The following PDCD10 variants were observed in gnomAD, a reference collection of about 807,000 sequenced individuals.
PDCD10 encodes the protein programmed cell death 10.
PDCD10 carries 4 observed loss-of-function variants against 29.2 expected under a neutral mutation model. The ratio of observed to expected loss-of-function variants is 0.14; its 90% CI spans 0.07 to 0.31. The LOEUF is 0.31. Ranked by LOEUF, PDCD10 falls within the 10% of genes least tolerant of loss-of-function variation. The pLI is 1.00. For synonymous variants in PDCD10, 70 were observed against 82.2 expected (o/e 0.85, Z 0.80); for missense variants, 183 against 257.9 (o/e 0.71, Z 1.99).
At chr3:167,710,924 G>A (rs929278200) in intron 3 of PDCD10, among the ~76,000 whole-genome samples, 2 of 152,234 alleles carry the variant, frequency 1.3e-5, no homozygotes, top group Non-Finnish European at 2.9e-5. Flanking sequence ...GGAATCCAGA[G>A]AATTCTTCCA....
At chr3:167,713,298 A>G (rs1722704549) in intron 3 of PDCD10, among the ~76,000 whole-genome samples, 1 of 152,122 alleles carries the variant, frequency 6.6e-6, no homozygotes, top group South Asian at 2.1e-4. Flanking sequence ...GAAACTATAC[A>G]AACACAAGGA....
At chr3:167,698,534 T>A (rs896569333) in intron 4 of PDCD10, among the ~76,000 whole-genome samples, 2 of 144,236 alleles carry the variant, frequency 1.4e-5, no homozygotes, top group Admixed American at 1.3e-4. Context: ...AGACCTCGTA[T>A]TAAAAACAAA....
At position 167,717,441 on chromosome 3, in the gene PDCD10, C is replaced by T. The variant is rs947045695; in HGVS notation, c.96+2621G>A. ...TCATCCTTACTATGGTACAATTTTG[C>T]AGATTAATTTGACAACCACTTTCAC... On this transcript the variant is annotated intron_variant, in intron 3 of 8. Transcript: ENST00000392750. Among the ~76,000 whole-genome samples the T allele has an allele frequency of 1.7e-4, 26 of 152,022 alleles. 1 individual carries two copies. The highest frequency in any genetic ancestry group is 1.6e-3 in the Admixed American group (25 of 15,234).
intron 4 of PDCD10, among the ~76,000 whole-genome samples, chr3:167,704,196 C>T (rs1021423293): frequency 3.3e-5 from 5 of 152,108 alleles, no homozygotes; most frequent in African/African-American, 7.2e-5. Flanking sequence ...AGAAAGAATA[C>T]CTTTTCAAGT....
chr3:167,694,464 CCTA>C (rs1456192157), intron 6 of PDCD10: 1 of 155,296 alleles, frequency 6.4e-6, no homozygotes, highest in Non-Finnish European at 1.4e-5. Flanking sequence ...TTTTCACTTT[CCTA>C]CTCTTTTCTC....
chr3:167,708,160 C>T (rs1358219611), intron 3 of PDCD10, among the ~76,000 whole-genome samples: 2 of 151,972 alleles, frequency 1.3e-5, no homozygotes, highest in African/African-American at 2.4e-5. Flanking sequence ...ATTTTAAAAG[C>T]TTCCATATAA....
chr3:167,723,573 T>A (rs769521850), intron 2 of PDCD10, among the ~76,000 whole-genome samples: 1 of 152,220 alleles, frequency 6.6e-6, no homozygotes, highest in Non-Finnish European at 1.5e-5. Flanking sequence ...TGTAGTGACT[T>A]GCTCCTGGTC....
At chr3:167,689,574 T>C (rs1033993259) in intron 6 of PDCD10, among the ~76,000 whole-genome samples, 1 of 127,662 alleles carries the variant, frequency 7.8e-6, no homozygotes, top group Non-Finnish European at 1.7e-5. Flanking sequence ...CTCATGCACC[T>C]AGGGAGACAA....
chr3:167,705,005 A>T, intron 3 of PDCD10, 110 bp from the exon 4 acceptor site: 1 of 665,166 alleles, frequency 1.5e-6, no homozygotes, highest in Non-Finnish European at 2.7e-6. Flanking sequence ...TTTAATCAAC[A>T]TTCTTGTTAA....
chr3:167,706,343 T>C (rs1721961764), intron 3 of PDCD10, among the ~76,000 whole-genome samples: 1 of 152,190 alleles, frequency 6.6e-6, no homozygotes, highest in African/African-American at 2.4e-5. Flanking sequence ...CGCTTAATGA[T>C]GGGGATGGAT....
rs1008542522 is a variant in PDCD10 at position 167,722,775 on chromosome 3, T to C, written c.-116-2502A>G. On this transcript the variant is annotated intron_variant, in intron 2 of 8. Transcript: ENST00000392750. ...GCCAGAGGTAAAGGGATAAGGTAAGTGGCCAGAGTCACTTTCAGAATTACT... is the reference window on the plus strand; with the variant it reads ...GCCAGAGGTAAAGGGATAAGGTAAGCGGCCAGAGTCACTTTCAGAATTACT... Among the ~76,000 whole-genome samples, 5 of 152,328 alleles carry C rather than the reference T, an allele frequency of 3.3e-5. No homozygotes were observed. In the East Asian group the frequency reaches 7.7e-4, roughly 23 times the overall value.
intron 3 of PDCD10, among the ~76,000 whole-genome samples, chr3:167,710,419 T>C (rs967062741): frequency 6.6e-6 from 1 of 152,054 alleles, no homozygotes; most frequent in Non-Finnish European, 1.5e-5. Flanking sequence ...AACCATGGCC[T>C]AGCAGAACTC....
At chr3:167,708,208 T>G (rs1722180200) in intron 3 of PDCD10, among the ~76,000 whole-genome samples, 1 of 151,782 alleles carries the variant, frequency 6.6e-6, no homozygotes, top group South Asian at 2.1e-4. Flanking sequence ...TGTTTTGCTC[T>G]CTCCAAAAGT....
At position 167,720,239 on chromosome 3, in the gene PDCD10, G is replaced by T; in HGVS notation, c.-82C>A. The T allele has an allele frequency of 1.1e-6, 1 of 931,668 alleles. No individual in the cohort carries two copies. The highest frequency in any genetic ancestry group is 1.8e-5 in the Admixed American group (1 of 56,100). 57.7% of individuals were successfully genotyped at this position (931,668 alleles called of 1,614,324 possible). ...ACTGCAATATTTCTTCTCTTTTTTG[G>T]TGATAAAAGAATTGGACACAAAAAA... On this transcript the variant is annotated 5_prime_UTR_variant, in exon 3 of 9. Coordinates refer to ENST00000392750, the MANE Select transcript of PDCD10 (RefSeq NM_007217.4).
intron 3 of PDCD10, among the ~76,000 whole-genome samples, chr3:167,708,067 T>G (rs1465837147): frequency 6.6e-6 from 1 of 152,174 alleles, no homozygotes; most frequent in East Asian, 1.9e-4. Flanking sequence ...CTTCTGTAAC[T>G]TATTGTTGAT....
intron 4 of PDCD10, among the ~76,000 whole-genome samples, chr3:167,701,158 C>T (rs1424286801): frequency 1.3e-5 from 2 of 152,084 alleles, no homozygotes; most frequent in Middle Eastern, 3.2e-3. Flanking sequence ...TAGCCTGGTA[C>T]CATCAATGCG....
At chr3:167,731,265 TATA>T (rs1452534143) in intron 2 of PDCD10, among the ~76,000 whole-genome samples, 5 of 152,208 alleles carry the variant, frequency 3.3e-5, no homozygotes, top group Admixed American at 6.5e-5. Context: ...TATATTTTGT[TATA>T]ATGAATATCG....
chr3:167,695,795 A>T, intron 5 of PDCD10, 73 bp from the exon 6 acceptor site: 1 of 1,504,662 alleles, frequency 6.6e-7, no homozygotes, highest in Non-Finnish European at 9.2e-7. Context: ...AGAATTTCCA[A>T]TGTTGGTCAA....
At chr3:167,700,410 C>T (rs765399103) in intron 4 of PDCD10, among the ~76,000 whole-genome samples, 2 of 150,950 alleles carry the variant, frequency 1.3e-5, no homozygotes, top group Admixed American at 1.3e-4. Context: ...GCTCAAGAAG[C>T]AAAGTCATGA....
Sources: allele counts gnomAD v4.1 joint callset (sites outside exome capture counted in the v4.1 genomes callset), GRCh38; gene constraint gnomAD v4.1.1; transcripts MANE v1.5; gene names NCBI Gene and HGNC (gene_info 2026-07-23, HGNC 2026-07-21).